Variants in DENND3 observed in about 807,000 individuals in gnomAD.
The protein encoded by DENND3 is DENN domain-containing protein 3.
DENND3 carries 88 observed loss-of-function variants against 135.1 expected under a neutral mutation model. The observed-to-expected ratio is 0.65, with a 90% confidence interval of 0.55 to 0.78. The LOEUF is 0.78. Ranked by LOEUF, DENND3 falls within the 30% of genes least tolerant of loss-of-function variation. The pLI, the probability that DENND3 is intolerant of heterozygous loss-of-function variation, is 0.00. For synonymous variants in DENND3, 693 were observed against 712.3 expected (o/e 0.97, Z 0.43); for missense variants, 1,392 against 1,688.4 (o/e 0.82, Z 3.08).
chr8:141,132,073 C>T (rs1816182002), intron 1 of DENND3, among the ~76,000 whole-genome samples: 1 of 152,114 alleles, frequency 6.6e-6, no homozygotes, highest in Non-Finnish European at 1.5e-5. Context: ...CAGGAGGAGG[C>T]TGGGTCAATA....
intron 1 of DENND3, among the ~76,000 whole-genome samples, chr8:141,134,965 A>C (rs1816610716): frequency 6.6e-6 from 1 of 151,806 alleles, no homozygotes; most frequent in Non-Finnish European, 1.5e-5. Flanking sequence ...CGCCCGGCCG[A>C]GTAGCTGGGA....
chr8:141,141,278 G>A lies in DENND3; in HGVS notation c.577G>A (p.Val193Ile), dbSNP rs1229825734. 2 of 1,614,006 alleles carry A rather than the reference G, an allele frequency of 1.2e-6. No individual in the cohort carries two copies. The highest frequency in any genetic ancestry group is 1.3e-5 in the African/African-American group (1 of 74,910). ...GCFVPFAVCV[V>I]SRFPYYNSLK... The stretch of plus-strand genomic sequence containing the variant: ...CTTCGTGCCCTTCGCGGTGTGCGTG[G>A]TCTCCAGGTTTCCCTATTACAACTC... The change falls in exon 4 of 23, where the codon GTC (valine) becomes ATC (isoleucine). Residue 193 changes from valine to isoleucine, a missense_variant. Coordinates refer to ENST00000519811, the MANE Select transcript of DENND3 (RefSeq NM_001352890.3). The surrounding 1 kb of genome is among the most constrained non-coding windows in gnomAD (Gnocchi z 5.3).
chr8:141,163,468 A>G, intron 10 of DENND3, 39 bp downstream of exon 10: 1 of 1,282,746 alleles, frequency 7.8e-7, no homozygotes, highest in Non-Finnish European at 1.1e-6. Flanking sequence ...GTGTGTGTTC[A>G]ATCCATTATC....
chr8:141,194,134 C>T lies in DENND3; in HGVS notation c.3738C>T (p.His1246=). 1 of 1,613,904 alleles carries T rather than the reference C, an allele frequency of 6.2e-7. No homozygotes were observed. The highest frequency in any genetic ancestry group is 8.5e-7 in the Non-Finnish European group (1 of 1,180,000). ...RKTVEKELVA[H]MDTVRTLCSA... ...CCGTGGAGAAGGAGCTGGTGGCGCA[C>T]ATGGACACCGTGAGGACGCTGTGCT... The change falls in exon 23 of 23, where the codon CAC becomes CAT. Residue 1246 remains histidine (H), a synonymous_variant. Transcript: ENST00000519811.
intron 5 of DENND3, chr8:141,150,439 G>T: frequency 1.6e-6 from 1 of 642,348 alleles, no homozygotes. Flanking sequence ...GCTATTAAAA[G>T]AGAGTTCATA....
chr8:141,161,908 C>T (rs961915620), intron 9 of DENND3, among the ~76,000 whole-genome samples: 5 of 149,444 alleles, frequency 3.3e-5, no homozygotes, highest in African/African-American at 1.2e-4. Flanking sequence ...TTAAGCAATT[C>T]TCCTGCCTCG....
At position 141,128,929 on chromosome 8, in the gene DENND3, G is replaced by T. The variant is rs116915947; in HGVS notation, c.102+120G>T. ...GCGGACTTTCCGAGGGCTGAGTCCC[G>T]GTCCCCCGGCGGTGACCCCGCGCGC... On this transcript the variant is annotated intron_variant, in intron 1 of 22. Transcript: ENST00000519811. The surrounding 1 kb of genome is among the most constrained non-coding windows in gnomAD (Gnocchi z 4.5). 94,979 of 740,674 alleles carry T rather than the reference G, an allele frequency of 0.13. 7,242 individuals carry two copies. The highest frequency in any genetic ancestry group is 0.15 in the Non-Finnish European group (80,297 of 519,862). The allele number at this position is 740,674 out of a possible 1,614,324, so 45.9% of individuals were successfully genotyped here.
intron 7 of DENND3, among the ~76,000 whole-genome samples, chr8:141,153,048 C>T (rs868322038): frequency 6.6e-6 from 1 of 151,250 alleles, no homozygotes; most frequent in Non-Finnish European, 1.5e-5. Context: ...GTGGTTTGTA[C>T]AGGGTCGGTT....
rs1294552980 is a variant in DENND3, at chr8:141,175,157, A to G, written c.2276-43A>G. The G allele has an allele frequency of 4.4e-6, 7 of 1,577,128 alleles. 1 individual carries two copies. In the South Asian group the frequency reaches 5.8e-5, roughly 13 times the overall value. Reference sequence around the variant, plus strand: ...GAGAAGCCCTTGGGGCTCCCGAGGTATGTGGCTGTAAGATACCTCTCTTTT... The same window carrying G: ...GAGAAGCCCTTGGGGCTCCCGAGGTGTGTGGCTGTAAGATACCTCTCTTTT... On this transcript the variant is annotated intron_variant, in intron 13 of 22. Coordinates refer to ENST00000519811, the MANE Select transcript of DENND3 (RefSeq NM_001352890.3). The surrounding 1 kb of genome is among the most constrained non-coding windows in gnomAD (Gnocchi z 5.4).
chr8:141,150,280 C>T (rs766632581), intron 5 of DENND3: 22 of 1,273,770 alleles, frequency 1.7e-5, no homozygotes, highest in Admixed American at 2.5e-5. Flanking sequence ...GGATTTCCTC[C>T]GCCAGGTCCA....
At position 141,192,597 on chromosome 8, in the gene DENND3, G is replaced by A; in HGVS notation, c.3570G>A (p.Gln1190=). Residue 1190 remains glutamine (Q), a synonymous_variant, in exon 22 of 23, where the codon CAG becomes CAA. Transcript: ENST00000519811. ...TCTGGAGCCTGAAGGACCTGGCCCA[G>A]CCCCCGCAGAGGGTGCCCCTCGAGG... is the stretch of plus-strand genomic sequence containing the variant. ...VYIWSLKDLA[Q]PPQRVPLEDC... The A allele has an allele frequency of 6.3e-7, 1 of 1,586,618 alleles. No individual in the cohort carries two copies. Among genetic ancestry groups the A allele is most frequent in the Non-Finnish European group, 8.6e-7 (1 of 1,163,408 alleles).
rs192799797 is a variant in DENND3, at chr8:141,168,162, C to G, written c.1912C>G (p.Arg638Gly). The G allele has an allele frequency of 4.3e-6, 7 of 1,614,220 alleles. No individual in the cohort carries two copies. The highest frequency in any genetic ancestry group is 1.1e-5 in the South Asian group (1 of 91,086). Residue 638 changes from arginine to glycine, a missense_variant, in exon 13 of 23, where the codon CGC becomes GGC. Transcript: ENST00000519811. The surrounding 1 kb of genome is among the most constrained non-coding windows in gnomAD (Gnocchi z 6.2). Reference protein sequence around the residue: ...LAPDNSLLLARYLYLRGLVYL... With the variant: ...LAPDNSLLLAGYLYLRGLVYL... ...CCCCGATAACTCTCTGCTCCTGGCC[C>G]GCTATTTGTACCTCCGAGGGCTCGT...
chr8:141,180,866 C>G lies in DENND3; in HGVS notation c.2944+12C>G. On this transcript the variant is annotated intron_variant, in intron 17 of 22. Transcript: ENST00000519811. ...GCTCTACACTCCAGGTAAGGCCCCTCTGCCCGCGCCTCGCTGCCAGTTTTC... is the reference window on the plus strand; with the variant it reads ...GCTCTACACTCCAGGTAAGGCCCCTGTGCCCGCGCCTCGCTGCCAGTTTTC... 1 of 1,601,846 alleles carries G rather than the reference C, an allele frequency of 6.2e-7. No homozygotes were observed. The highest frequency in any genetic ancestry group is 8.5e-7 in the Non-Finnish European group (1 of 1,172,196).
Position 141,137,936 on chromosome 8 carries a change from C to G in DENND3, c.386-86C>G. The G allele has an allele frequency of 7.1e-7, 1 of 1,401,102 alleles. No homozygotes were observed. Among genetic ancestry groups the G allele is most frequent in the Non-Finnish European group, 9.8e-7 (1 of 1,018,346 alleles). The allele number at this position is 1,401,102 out of a possible 1,614,324, so 86.8% of individuals were successfully genotyped here. On this transcript the variant is annotated intron_variant, in intron 2 of 22. Coordinates refer to ENST00000519811, the MANE Select transcript of DENND3 (RefSeq NM_001352890.3). This position sits in a 1 kb window ranked among gnomAD's most constrained non-coding sequence, Gnocchi z 4.1. The stretch of plus-strand genomic sequence containing the variant: ...ACCACTGCTAACTGTGGAGGTGTGT[C>G]CTAAACACTGTGAAGAAATCAGCTC...
chr8:141,183,239 A>G (rs376520627), intron 17 of DENND3, among the ~76,000 whole-genome samples: 10 of 152,104 alleles, frequency 6.6e-5, no homozygotes, highest in African/African-American at 2.2e-4. Flanking sequence ...ACTATATTAA[A>G]AGCAATGACT....
chr8:141,148,420 C>G (rs1333546583), intron 5 of DENND3, among the ~76,000 whole-genome samples: 1 of 152,202 alleles, frequency 6.6e-6, no homozygotes, highest in Non-Finnish European at 1.5e-5. Flanking sequence ...TTTTCTTGCC[C>G]TCCAGCGGGA....
intron 4 of DENND3, chr8:141,142,807 T>A (rs1230098490): frequency 6.1e-6 from 1 of 163,676 alleles, no homozygotes; most frequent in Non-Finnish European, 1.3e-5. Flanking sequence ...AAAATGTAGA[T>A]GGTTATTTCC....
At chr8:141,135,289 C>CCA (rs1569554876) in intron 1 of DENND3, among the ~76,000 whole-genome samples, 1 of 151,996 alleles carries the variant, frequency 6.6e-6, no homozygotes, top group Non-Finnish European at 1.5e-5. Context: ...GTAGCTGGGA[C>CCA]CACAGGCATG....
intron 13 of DENND3, among the ~76,000 whole-genome samples, chr8:141,170,059 ACT>A (rs1175778192): frequency 1.3e-5 from 2 of 151,738 alleles, no homozygotes; most frequent in South Asian, 2.1e-4. Context: ...CTCAGTCTCG[ACT>A]CTCGCCCGTT....
Sources: gnomAD v4.1 joint callset for allele counts (sites outside exome capture counted in the v4.1 genomes callset) on GRCh38, gnomAD v4.1.1 for gene constraint, Gnocchi (gnomAD v3.1) non-coding constraint, MANE v1.5 for transcripts, NCBI Gene and HGNC (gene_info 2026-07-23, HGNC 2026-07-21) for gene names.